The following SLIT3 variants were observed in gnomAD, a reference collection of about 807,000 sequenced individuals.
SLIT3 encodes the protein slit guidance ligand 3, also known as slit homolog 3 protein.
A neutral mutation model predicts 184.0 loss-of-function variants in SLIT3; 68 were observed. The observed-to-expected ratio is 0.37, with a 90% CI of 0.30 to 0.45. SLIT3 has a LOEUF of 0.45. Among genes scored for constraint, SLIT3 ranks in the 20% least tolerant of loss-of-function variants. The pLI, the probability that SLIT3 is intolerant of heterozygous loss-of-function variation, is 1.00. For synonymous variants in SLIT3, 831 were observed against 828.6 expected (o/e 1.00, Z -0.05); for missense variants, 1,707 against 2,026.0 (o/e 0.84, Z 3.02).
At chr5:168,673,358 C>A in intron 32 of SLIT3, 27 bp from the exon 33 acceptor site, 1 of 1,611,952 alleles carries the variant, frequency 6.2e-7, no homozygotes, top group Non-Finnish European at 8.5e-7. Flanking sequence ...GGGAGAAAGC[C>A]GGAGAGTTCA....
chr5:169,139,919 T>C lies in SLIT3; in HGVS notation c.413+53560A>G, dbSNP rs571278971. Among the ~76,000 whole-genome samples, 30 of 152,250 alleles carry C rather than the reference T, an allele frequency of 2.0e-4. No homozygotes were observed. The South Asian group carries it at 6.2e-3, about 32-fold the overall frequency. On this transcript the variant is annotated intron_variant, in intron 4 of 35. Coordinates refer to ENST00000519560, the MANE Select transcript of SLIT3 (RefSeq NM_003062.4). ...AGATACCCTCGCGAGCAAATATTGA[T>C]ATATTAACCGCAGCTCAGACACTGT...
chr5:169,187,999 C>G (rs557032992), intron 4 of SLIT3, among the ~76,000 whole-genome samples: 1 of 152,294 alleles, frequency 6.6e-6, no homozygotes, highest in Admixed American at 6.5e-5. Context: ...ACTCTGTCGC[C>G]CAAGCTGGAG....
intron 6 of SLIT3, among the ~76,000 whole-genome samples, chr5:168,842,014 T>A (rs1047966107): frequency 1.3e-5 from 2 of 152,212 alleles, no homozygotes; most frequent in Admixed American, 6.5e-5. Context: ...TGTCACTGAG[T>A]TCCTATTTAT....
intron 26 of SLIT3, among the ~76,000 whole-genome samples, chr5:168,702,434 T>C (rs1762244816): frequency 6.6e-6 from 1 of 152,148 alleles, no homozygotes; most frequent in Non-Finnish European, 1.5e-5. Context: ...AAGTTAGTGC[T>C]GGGAGCCTCT....
At chr5:169,190,397 C>T (rs903355763) in intron 4 of SLIT3, among the ~76,000 whole-genome samples, 1 of 152,218 alleles carries the variant, frequency 6.6e-6, no homozygotes, top group Admixed American at 6.5e-5. Context: ...GTTCCTGAAG[C>T]CATTCATAAC....
At chr5:169,111,803 A>T (rs1760418163) in intron 4 of SLIT3, among the ~76,000 whole-genome samples, 2 of 152,216 alleles carry the variant, frequency 1.3e-5, no homozygotes, top group Non-Finnish European at 1.5e-5. Context: ...AACAGGCAGA[A>T]GGTTGATGTG....
intron 3 of SLIT3, among the ~76,000 whole-genome samples, chr5:169,202,868 T>A (rs1763947329): frequency 6.6e-6 from 1 of 151,448 alleles, no homozygotes; most frequent in Non-Finnish European, 1.5e-5. Context: ...TTGGATTACT[T>A]TTTCTCCAAT....
At chr5:169,048,659 T>C (rs1757708974) in intron 4 of SLIT3, among the ~76,000 whole-genome samples, 1 of 152,152 alleles carries the variant, frequency 6.6e-6, no homozygotes, top group African/African-American at 2.4e-5. Context: ...AAAAGCAACA[T>C]CATACCCAAG....
At chr5:169,061,443 T>C (rs1343962047) in intron 4 of SLIT3, among the ~76,000 whole-genome samples, 1 of 152,188 alleles carries the variant, frequency 6.6e-6, no homozygotes, top group Non-Finnish European at 1.5e-5. Flanking sequence ...CTATGAACGC[T>C]ATTCTTAGGC....
At chr5:168,916,606 T>C (rs1761443821) in intron 4 of SLIT3, among the ~76,000 whole-genome samples, 1 of 152,236 alleles carries the variant, frequency 6.6e-6, no homozygotes, top group African/African-American at 2.4e-5. Flanking sequence ...CCAGGCTCCT[T>C]GCCCAGAGGA....
chr5:168,872,613 CTTTCTTCT>C (rs1341404254), intron 5 of SLIT3, among the ~76,000 whole-genome samples: 5 of 142,278 alleles, frequency 3.5e-5, no homozygotes, highest in Admixed American at 1.4e-4. Context: ...AAAGTTCGTA[CTTTCTTCT>C]TTTCTTCTTC....
intron 1 of SLIT3, among the ~76,000 whole-genome samples, chr5:169,262,602 C>T (rs1437305826): frequency 6.6e-6 from 1 of 152,150 alleles, no homozygotes; most frequent in Non-Finnish European, 1.5e-5. Flanking sequence ...AAGGAAACCA[C>T]CAATTTAAGA....
At chr5:169,106,518 G>A (rs938400898) in intron 4 of SLIT3, among the ~76,000 whole-genome samples, 1 of 152,070 alleles carries the variant, frequency 6.6e-6, no homozygotes, top group African/African-American at 2.4e-5. Context: ...TGCCAAAATT[G>A]TATCAACATG....
chr5:169,015,350 G>A (rs1324858125), intron 4 of SLIT3, among the ~76,000 whole-genome samples: 2 of 152,196 alleles, frequency 1.3e-5, no homozygotes, highest in Non-Finnish European at 2.9e-5. Context: ...GCTCCTGCAG[G>A]TGTGTGTTAA....
chr5:169,256,941 C>T (rs182630623), intron 1 of SLIT3, among the ~76,000 whole-genome samples: 81 of 152,086 alleles, frequency 5.3e-4, no homozygotes, highest in Middle Eastern at 3.4e-3. Context: ...TTACTAATCA[C>T]AGTAATGATT....
At chr5:168,868,422 C>T (rs539950094) in intron 5 of SLIT3, among the ~76,000 whole-genome samples, 1 of 152,290 alleles carries the variant, frequency 6.6e-6, no homozygotes, top group Admixed American at 6.5e-5. Context: ...TCCCTAGCAG[C>T]TGGAACTATA....
intron 6 of SLIT3, among the ~76,000 whole-genome samples, chr5:168,830,143 T>A (rs1307609972): frequency 1.3e-5 from 2 of 152,140 alleles, no homozygotes; most frequent in Non-Finnish European, 1.5e-5. Context: ...AGAATCTGCA[T>A]GGATGGCTTC....
At position 169,250,159 on chromosome 5, in the gene SLIT3, G is replaced by A. The variant is rs116237313; in HGVS notation, c.269+1229C>T. Among the ~76,000 whole-genome samples, 890 of 152,174 alleles carry A rather than the reference G, an allele frequency of 5.8e-3. 10 individuals carry two copies. Among genetic ancestry groups the A allele is most frequent in the African/African-American group, 0.02 (835 of 41,522 alleles). ...AGAGTTGGGTCTACTTAACCTATCC[G>A]CACCTCTGGTTTCCTCTGCTACAAA... On this transcript the variant is annotated intron_variant, in intron 2 of 35. Transcript: ENST00000519560.
chr5:169,210,964 T>G (rs1764246548), intron 3 of SLIT3, among the ~76,000 whole-genome samples: 1 of 152,176 alleles, frequency 6.6e-6, no homozygotes, highest in Non-Finnish European at 1.5e-5. Context: ...GGTGTGAGTG[T>G]GATGTGAGCA....
Sources: gnomAD v4.1 joint callset for allele counts (sites outside exome capture counted in the v4.1 genomes callset) on GRCh38, gnomAD v4.1.1 for gene constraint, MANE v1.5 for transcripts, NCBI Gene and HGNC (gene_info 2026-07-23, HGNC 2026-07-21) for gene names.